HS3ST4: variants seen among roughly 807,000 people sequenced by gnomAD.
HS3ST4 encodes heparan sulfate glucosamine 3-O-sulfotransferase 4.
HS3ST4 carries 17 observed loss-of-function variants against 29.2 expected under a neutral mutation model. The observed-to-expected ratio is 0.58, with a 90% CI of 0.40 to 0.87. The LOEUF (loss-of-function observed/expected upper bound fraction) is 0.87, where lower values mean the gene tolerates loss of function less well. Among genes scored for constraint, HS3ST4 ranks in the 40% least tolerant of loss-of-function variants. The pLI is 0.00. For missense variants in HS3ST4, 627 were observed against 634.5 expected, an observed-to-expected ratio of 0.99 and a Z score of 0.13; for synonymous variants, 314 against 285.7, an observed-to-expected ratio of 1.10 and a Z score of -1.00.
intron 1 of HS3ST4, among the ~76,000 whole-genome samples, chr16:25,705,108 T>C (rs1400289557): frequency 1.3e-5 from 2 of 152,150 alleles, no homozygotes; most frequent in African/African-American, 4.8e-5. Flanking sequence ...ATCATTATGC[T>C]CCATGAGTAG....
chr16:25,927,718 C>T (rs776907167), intron 1 of HS3ST4, among the ~76,000 whole-genome samples: 1 of 150,936 alleles, frequency 6.6e-6, no homozygotes, highest in African/African-American at 2.4e-5. Context: ...CCCGATTTTT[C>T]GGATTTATAA....
At chr16:26,059,640 C>A (rs892616438) in intron 1 of HS3ST4, among the ~76,000 whole-genome samples, 1 of 152,160 alleles carries the variant, frequency 6.6e-6, no homozygotes, top group Non-Finnish European at 1.5e-5. Context: ...AACACATAAA[C>A]CCTCTTAGCC....
At chr16:26,107,119 A>G (rs1363564874) in intron 1 of HS3ST4, among the ~76,000 whole-genome samples, 1 of 151,948 alleles carries the variant, frequency 6.6e-6, no homozygotes, top group Non-Finnish European at 1.5e-5. Flanking sequence ...ATCAACTCTC[A>G]TTACCTTCTA....
At chr16:26,000,843 G>T (rs1248482555) in intron 1 of HS3ST4, among the ~76,000 whole-genome samples, 2 of 152,136 alleles carry the variant, frequency 1.3e-5, no homozygotes, top group African/African-American at 2.4e-5. Context: ...TCCTTCCACT[G>T]GGTAACCATT....
intron 1 of HS3ST4, among the ~76,000 whole-genome samples, chr16:25,845,666 TAATAATAATA>T (rs1967459447): frequency 2.0e-5 from 3 of 149,822 alleles, no homozygotes; most frequent in African/African-American, 7.3e-5. Flanking sequence ...ATAATAATAA[TAATAATAATA>T]ATAATAATAG....
intron 1 of HS3ST4, among the ~76,000 whole-genome samples, chr16:25,805,743 T>A (rs1966983786): frequency 6.6e-6 from 1 of 152,196 alleles, no homozygotes. Flanking sequence ...ATGTGCAGGG[T>A]GTGCAGGTTT....
At chr16:26,071,970 C>G (rs1486756374) in intron 1 of HS3ST4, among the ~76,000 whole-genome samples, 4 of 152,148 alleles carry the variant, frequency 2.6e-5, no homozygotes, top group Non-Finnish European at 5.9e-5. Context: ...AATGACTCTC[C>G]CATCTTCTCC....
intron 1 of HS3ST4, among the ~76,000 whole-genome samples, chr16:26,053,457 C>T (rs1031863098): frequency 4.6e-5 from 7 of 152,156 alleles, no homozygotes; most frequent in Admixed American, 3.3e-4. Flanking sequence ...AAAGCAGTTC[C>T]TATGATGATG....
intron 1 of HS3ST4, among the ~76,000 whole-genome samples, chr16:26,039,529 C>A (rs73514512): frequency 0.016 from 2,496 of 152,192 alleles, 65 homozygotes; most frequent in African/African-American, 0.055. Context: ...ATGCAATGTG[C>A]AATAACCACA....
chr16:25,757,610 A>T (rs1020444325), intron 1 of HS3ST4, among the ~76,000 whole-genome samples: 1 of 149,804 alleles, frequency 6.7e-6, no homozygotes, highest in Non-Finnish European at 1.5e-5. Flanking sequence ...TAATAGAGAG[A>T]GTGTAAAAAT....
At chr16:26,053,591 C>G (rs1898372246) in intron 1 of HS3ST4, among the ~76,000 whole-genome samples, 1 of 152,104 alleles carries the variant, frequency 6.6e-6, no homozygotes. Flanking sequence ...ACAAGGAGAT[C>G]TTGATTTTTG....
chr16:25,855,861 C>T (rs1411346596), intron 1 of HS3ST4, among the ~76,000 whole-genome samples: 1 of 151,920 alleles, frequency 6.6e-6, no homozygotes, highest in Non-Finnish European at 1.5e-5. Flanking sequence ...GGGCTGAGAG[C>T]TTAGTAGTGT....
intron 1 of HS3ST4, among the ~76,000 whole-genome samples, chr16:25,795,133 G>A (rs1016197803): frequency 1.3e-5 from 2 of 151,576 alleles, no homozygotes; most frequent in African/African-American, 4.8e-5. Flanking sequence ...CACCACACCC[G>A]GCTAATTTTT....
At chr16:25,696,918 G>A (rs914427426) in intron 1 of HS3ST4, among the ~76,000 whole-genome samples, 6 of 152,194 alleles carry the variant, frequency 3.9e-5, no homozygotes, top group African/African-American at 1.2e-4. Flanking sequence ...GATATGCTGA[G>A]ATATGTAGCA....
intron 1 of HS3ST4, among the ~76,000 whole-genome samples, chr16:26,021,209 T>A (rs1969409578): frequency 1.3e-5 from 2 of 152,214 alleles, no homozygotes; most frequent in Admixed American, 6.5e-5. Context: ...TGTGGTGATT[T>A]TTAAAAAGGA....
At chr16:25,767,712 C>T (rs888418249) in intron 1 of HS3ST4, among the ~76,000 whole-genome samples, 4 of 152,122 alleles carry the variant, frequency 2.6e-5, no homozygotes. Context: ...AGCACCCACT[C>T]TGTGCTCGAG....
intron 1 of HS3ST4, among the ~76,000 whole-genome samples, chr16:25,905,797 AAGAG>A (rs568788659): frequency 2.0e-5 from 3 of 152,186 alleles, no homozygotes; most frequent in African/African-American, 7.2e-5. Context: ...AGTGTTATGA[AAGAG>A]AGACAAACCC....
chr16:26,074,744 A>C (rs1054776206), intron 1 of HS3ST4, among the ~76,000 whole-genome samples: 2 of 152,024 alleles, frequency 1.3e-5, no homozygotes, highest in Admixed American at 6.5e-5. Flanking sequence ...TTACCTGGCC[A>C]CTCTGACTTT....
At chr16:25,785,615 G>T (rs991834224) in intron 1 of HS3ST4, among the ~76,000 whole-genome samples, 1 of 152,192 alleles carries the variant, frequency 6.6e-6, no homozygotes, top group Non-Finnish European at 1.5e-5. Flanking sequence ...CAGCTTCTCT[G>T]TCTCAGCTTC....
Sources: allele counts gnomAD v4.1 joint callset (sites outside exome capture counted in the v4.1 genomes callset), GRCh38; gene constraint gnomAD v4.1.1; transcripts MANE v1.5; gene names NCBI Gene and HGNC (gene_info 2026-07-23, HGNC 2026-07-21).